The following SLC20A1 variants were observed in gnomAD, a reference collection of about 807,000 sequenced individuals.
SLC20A1 encodes solute carrier family 20 member 1, also known as sodium-dependent phosphate transporter 1.
Under a neutral mutation model 62.7 loss-of-function variants are expected in SLC20A1, and 28 were observed. The observed-to-expected ratio is 0.45, with a 90% CI of 0.33 to 0.61. The LOEUF (loss-of-function observed/expected upper bound fraction) is 0.61. SLC20A1 is among the 20% of genes least tolerant of loss of function. The probability of loss-of-function intolerance (pLI) is 0.02; values close to 1 mark genes in which losing one functional copy is unlikely to be tolerated. For missense variants in SLC20A1, 673 were observed against 838.6 expected (o/e 0.80, Z 2.44); for synonymous variants, 305 against 302.9 (o/e 1.01, Z -0.07).
At chr2:112,656,632 T>C (rs1686596585) in intron 5 of SLC20A1, among the ~76,000 whole-genome samples, 1 of 151,258 alleles carries the variant, frequency 6.6e-6, no homozygotes, top group African/African-American at 2.5e-5. Flanking sequence ...AAGGCCAGTA[T>C]AGTGAATGTA....
rs1031748788 is a variant in SLC20A1 at position 112,646,559 on chromosome 2, G to T, written c.-266-4G>T. 2.4e-5 allele frequency: 4 copies of T among 165,010 alleles called. No homozygotes were observed. The highest frequency in any genetic ancestry group is 5.2e-5 in the Non-Finnish European group (4 of 77,516). 10.2% of individuals were successfully genotyped at this position (165,010 alleles called of 1,614,324 possible). A position where few individuals can be genotyped will look rare whatever the true frequency, so the allele number is the denominator to read the frequency against. On this transcript the variant is annotated splice_region_variant and splice_polypyrimidine_tract_variant and intron_variant, in intron 1 of 10. Coordinates refer to ENST00000272542, the MANE Select transcript of SLC20A1 (RefSeq NM_005415.5). Reference sequence around the variant, plus strand: ...GCTATTGTTATTTCCCCCCTCCCCCGCAGGATGAACTTGCGTCCTTTCTCT... The same window carrying T: ...GCTATTGTTATTTCCCCCCTCCCCCTCAGGATGAACTTGCGTCCTTTCTCT...
chr2:112,660,908 A>G (rs910619101), intron 9 of SLC20A1: 52 of 498,078 alleles, frequency 1.0e-4, no homozygotes, highest in Middle Eastern at 1.0e-3. Flanking sequence ...TGCAAATTTT[A>G]TTTAATAGTG....
rs1300949589 is a variant in SLC20A1, at chr2:112,659,701, C to T, written c.1546C>T (p.Gln516Ter). Residue 516 changes from glutamine (Q) to a stop codon, truncating the protein, a stop_gained, in exon 8 of 11, where the codon CAG (glutamine) becomes TAG (stop). Coordinates refer to ENST00000272542, the MANE Select transcript of SLC20A1 (RefSeq NM_005415.5). LOFTEE classifies it high-confidence loss of function. Reference sequence around the variant, plus strand: ...TAAGCCTGAAGTCTCTCTCCTCTTCCAGTTCCTGCAGATCCTTACAGCCTG... The same window carrying T: ...TAAGCCTGAAGTCTCTCTCCTCTTCTAGTTCCTGCAGATCCTTACAGCCTG... The part of the protein sequence containing the change: ...QDKPEVSLLF[Q>*]FLQILTACFG... 1 of 1,614,174 alleles carries T rather than the reference C, an allele frequency of 6.2e-7. No individual in the cohort carries two copies. Among genetic ancestry groups the T allele is most frequent in the Non-Finnish European group, 8.5e-7 (1 of 1,180,014 alleles).
chr2:112,654,625 G>A (rs192702133), intron 5 of SLC20A1, among the ~76,000 whole-genome samples: 90 of 152,166 alleles, frequency 5.9e-4, no homozygotes, highest in Non-Finnish European at 1.1e-3. Context: ...GGCCGGGCGC[G>A]GTGGCTCATG....
chr2:112,659,476 A>C lies in SLC20A1; in HGVS notation c.1321A>C (p.Lys441Gln). The change falls in exon 8 of 11, where the codon AAG becomes CAG. Residue 441 changes from lysine (K) to glutamine (Q), a missense_variant. Physicochemically the swap from Lys to Gln is moderately conservative, Grantham distance 53. Coordinates refer to ENST00000272542, the MANE Select transcript of SLC20A1 (RefSeq NM_005415.5). Reference protein sequence around the residue: ...DSFRAKEGEQKGEEMEKLTWP... With the variant: ...DSFRAKEGEQQGEEMEKLTWP... ...ATTCCGTGCCAAAGAAGGTGAACAG[A>C]AGGGCGAAGAAATGGAGAAGCTGAC... The C allele has an allele frequency of 6.2e-7, 1 of 1,614,248 alleles. No individual in the cohort carries two copies. The highest frequency in any genetic ancestry group is 1.6e-4 in the Middle Eastern group (1 of 6,062).
At position 112,659,665 on chromosome 2, in the gene SLC20A1, T is replaced by C; in HGVS notation, c.1510T>C (p.Tyr504His). The C allele has an allele frequency of 6.2e-7, 1 of 1,614,240 alleles. No individual in the cohort carries two copies. The highest frequency in any genetic ancestry group is 1.1e-5 in the South Asian group (1 of 91,090). The change falls in exon 8 of 11, where the codon TAT (tyrosine) becomes CAT (histidine). Residue 504 changes from tyrosine to histidine, a missense_variant. By Grantham distance (83) the Tyr-to-His change is moderately conservative. Coordinates refer to ENST00000272542, the MANE Select transcript of SLC20A1 (RefSeq NM_005415.5). ...KGSNGSLEEW[Y>H]DQDKPEVSLL... ...AAGTAATGGCTCTCTAGAAGAATGG[T>C]ATGACCAGGATAAGCCTGAAGTCTC...
At chr2:112,651,522 G>C (rs1385429683) in intron 4 of SLC20A1, among the ~76,000 whole-genome samples, 1 of 151,940 alleles carries the variant, frequency 6.6e-6, no homozygotes, top group Non-Finnish European at 1.5e-5. Context: ...TCCTGAGTCA[G>C]CCTCCAGAGT....
At chr2:112,662,795 C>G in intron 10 of SLC20A1, 69 bp from the exon 11 acceptor site, 4 of 1,527,324 alleles carry the variant, frequency 2.6e-6, no homozygotes, top group Non-Finnish European at 3.6e-6. Flanking sequence ...CAAACAGTCT[C>G]AGGTGTCTGT....
intron 5 of SLC20A1, chr2:112,653,074 C>T (rs1275387413): frequency 1.6e-6 from 1 of 623,054 alleles, no homozygotes; most frequent in African/African-American, 1.8e-5. Context: ...TTCCCTTTCT[C>T]CTGTCTATGC....
At chr2:112,656,748 T>A (rs79454023) in intron 5 of SLC20A1, among the ~76,000 whole-genome samples, 2 of 152,180 alleles carry the variant, frequency 1.3e-5, no homozygotes, top group Non-Finnish European at 2.9e-5. Context: ...ATGTGGCAGT[T>A]ACGATCATGA....
At chr2:112,651,531 G>A (rs1686435925) in intron 4 of SLC20A1, among the ~76,000 whole-genome samples, 1 of 152,034 alleles carries the variant, frequency 6.6e-6, no homozygotes, top group Non-Finnish European at 1.5e-5. Flanking sequence ...AGCCTCCAGA[G>A]TAGCTGGGAC....
At chr2:112,658,600 A>G (rs556428651) in intron 6 of SLC20A1, 178 of 468,818 alleles carry the variant, frequency 3.8e-4, no homozygotes, top group African/African-American at 3.3e-3. Context: ...ATTTACAGAA[A>G]AATTTTGGGA....
chr2:112,647,751 C>A lies in SLC20A1; in HGVS notation c.561+13C>A. ...CATCCTCCATAAGGTAACCTTTCTC[C>A]CCCGTATGAAGACCTTTCATGGAGC... is the stretch of plus-strand genomic sequence containing the variant. On this transcript the variant is annotated intron_variant, in intron 4 of 10. Coordinates refer to ENST00000272542, the MANE Select transcript of SLC20A1 (RefSeq NM_005415.5). The A allele has an allele frequency of 1.2e-6, 2 of 1,600,016 alleles. No individual in the cohort carries two copies. The highest frequency in any genetic ancestry group is 1.7e-6 in the Non-Finnish European group (2 of 1,167,258).
chr2:112,659,136 G>T (rs763623709), intron 7 of SLC20A1, 42 bp downstream of exon 7: 1 of 1,608,558 alleles, frequency 6.2e-7, no homozygotes, highest in East Asian at 2.2e-5. Context: ...ACCTGCAGTG[G>T]TGAGGAGGCT....
chr2:112,648,181 T>C (rs1292461639), intron 4 of SLC20A1, among the ~76,000 whole-genome samples: 1 of 152,168 alleles, frequency 6.6e-6, no homozygotes, highest in Admixed American at 6.5e-5. Flanking sequence ...GTTTATAAGC[T>C]TCTAGATGAG....
In SLC20A1 at chr2:112,645,997, G is replaced by GC. The variant is rs1212330545; in HGVS notation, c.-398dup. 6.6e-6 allele frequency: 1 copy of GC among 152,360 alleles called. No homozygotes were observed. Among genetic ancestry groups the GC allele is most frequent in the African/African-American group, 2.4e-5 (1 of 41,440 alleles). The allele number at this position is 152,360 out of a possible 1,614,324, so 9.4% of individuals were successfully genotyped here. ...CTTCTTCTCGGCCGCTGAAACCCCC[G>GC]CGGCTGCTTCCTGGGAAGGTCGTGA... On this transcript the variant is annotated 5_prime_UTR_variant, in exon 1 of 11. Coordinates refer to ENST00000272542, the MANE Select transcript of SLC20A1 (RefSeq NM_005415.5).
chr2:112,647,874 C>A, intron 4 of SLC20A1, 136 bp downstream of exon 4: 1 of 720,538 alleles, frequency 1.4e-6, no homozygotes. Flanking sequence ...TTGTTCTGTG[C>A]ATTTCTTGTA....
At chr2:112,658,785 C>T (rs770969708) in intron 6 of SLC20A1, 40 bp from the exon 7 acceptor site, 60 of 1,560,636 alleles carry the variant, frequency 3.8e-5, no homozygotes, top group Non-Finnish European at 5.2e-5. Context: ...AGTAGTATGG[C>T]CACAACCAAA....
intron 4 of SLC20A1, chr2:112,652,324 C>A (rs572577540): frequency 1.9e-4 from 40 of 210,658 alleles, no homozygotes; most frequent in African/African-American, 7.2e-4. Context: ...TAAGCAACAT[C>A]CTAACATAGT....
Sources: gnomAD v4.1 joint callset for allele counts (sites outside exome capture counted in the v4.1 genomes callset) on GRCh38, gnomAD v4.1.1 for gene constraint, MANE v1.5 for transcripts, NCBI Gene and HGNC (gene_info 2026-07-23, HGNC 2026-07-21) for gene names.